XKR9: variants seen among roughly 807,000 people sequenced by gnomAD.
XKR9 encodes XK related 9, also known as XK-related protein 9.
In XKR9, 32 loss-of-function variants were observed where a neutral mutation model predicts 32.0. That is an observed-to-expected ratio of 1.00 (90% confidence interval 0.76 to 1.34). The LOEUF (loss-of-function observed/expected upper bound fraction) is 1.34. Among genes scored for constraint, XKR9 ranks in the 40% most tolerant of loss-of-function variants. XKR9 has a pLI of 0.00. For missense variants in XKR9, 546 were observed against 429.7 expected, an observed-to-expected ratio of 1.27 and a Z score of -2.39; for synonymous variants, 168 against 143.4, an observed-to-expected ratio of 1.17 and a Z score of -1.22.
the XKR9 span, among the ~76,000 whole-genome samples, chr8:70,930,189 G>A: frequency 1.3e-5 from 2 of 152,134 alleles, no homozygotes; most frequent in African/African-American, 4.8e-5. Flanking sequence ...TAGGTGGGGT[G>A]GAGTAGGTGA....
the XKR9 span, among the ~76,000 whole-genome samples, chr8:71,000,939 A>T: frequency 1.3e-5 from 2 of 151,978 alleles, no homozygotes; most frequent in East Asian, 3.9e-4. Flanking sequence ...TTAGCATAGA[A>T]AGAAGGGCAC....
the XKR9 span, among the ~76,000 whole-genome samples, chr8:70,893,708 C>T: frequency 6.6e-6 from 1 of 152,060 alleles, no homozygotes; most frequent in Non-Finnish European, 1.5e-5. Context: ...TCCTTAGTGT[C>T]AAGGTCTTTT....
At chr8:70,692,855 C>T (rs936323807) in intron 3 of XKR9, among the ~76,000 whole-genome samples, 14 of 152,160 alleles carry the variant, frequency 9.2e-5, no homozygotes, top group African/African-American at 3.1e-4. Context: ...GCTCGGATTA[C>T]AAGTGTGAGC....
intron 2 of XKR9, among the ~76,000 whole-genome samples, chr8:70,776,026 A>G (rs554669134): frequency 6.6e-6 from 1 of 152,138 alleles, no homozygotes; most frequent in Non-Finnish European, 1.5e-5. Flanking sequence ...GATTACAGGC[A>G]TAAGCCACTG....
chr8:70,788,418 C>T (rs1022398978), intron 2 of XKR9, among the ~76,000 whole-genome samples: 27 of 152,008 alleles, frequency 1.8e-4, no homozygotes, highest in African/African-American at 6.0e-4. Flanking sequence ...TGGTTGCTAC[C>T]GTTGGGCAGG....
At chr8:70,892,200 C>A in the XKR9 span, among the ~76,000 whole-genome samples, 3 of 151,940 alleles carry the variant, frequency 2.0e-5, no homozygotes, top group Non-Finnish European at 4.4e-5. Context: ...ACTTAAAATC[C>A]ATTTAGCCAG....
At chr8:70,696,045 T>G (rs1805262890) in intron 3 of XKR9, among the ~76,000 whole-genome samples, 10 of 151,656 alleles carry the variant, frequency 6.6e-5, no homozygotes, top group Admixed American at 6.6e-4. Flanking sequence ...TTTTTTCTTG[T>G]AAATTTGTTT....
At chr8:70,910,807 A>C in the XKR9 span, among the ~76,000 whole-genome samples, 1 of 152,222 alleles carries the variant, frequency 6.6e-6, no homozygotes, top group Non-Finnish European at 1.5e-5. Flanking sequence ...ACTGGTCTTC[A>C]GGCTCATCCA....
the XKR9 span, among the ~76,000 whole-genome samples, chr8:70,832,342 G>A: frequency 2.6e-5 from 4 of 152,000 alleles, no homozygotes; most frequent in Non-Finnish European, 5.9e-5. Flanking sequence ...TAGGAGAAAA[G>A]TAAAAGAAAA....
At chr8:71,014,413 G>A in the XKR9 span, among the ~76,000 whole-genome samples, 4 of 152,242 alleles carry the variant, frequency 2.6e-5, no homozygotes, top group African/African-American at 9.6e-5. Flanking sequence ...AGCTCTAGGG[G>A]AGAACTCCTT....
chr8:70,873,869 C>T, the XKR9 span, among the ~76,000 whole-genome samples: 1 of 152,172 alleles, frequency 6.6e-6, no homozygotes, highest in African/African-American at 2.4e-5. Flanking sequence ...AGAAATCTTT[C>T]ATGAAAGGAA....
the XKR9 span, among the ~76,000 whole-genome samples, chr8:70,898,250 G>C: frequency 6.6e-6 from 1 of 152,032 alleles, no homozygotes; most frequent in Non-Finnish European, 1.5e-5. Flanking sequence ...TTTGTTTCTG[G>C]GTTCCCTATT....
chr8:70,692,186 T>C (rs942829307), intron 3 of XKR9, among the ~76,000 whole-genome samples: 1 of 152,166 alleles, frequency 6.6e-6, no homozygotes, highest in Non-Finnish European at 1.5e-5. Context: ...CAACTGTGAA[T>C]GGTATTGCCT....
intron 2 of XKR9, among the ~76,000 whole-genome samples, chr8:70,754,985 A>G (rs1486902422): frequency 2.0e-5 from 3 of 151,868 alleles, no homozygotes; most frequent in African/African-American, 7.2e-5. Flanking sequence ...CAACCTACAA[A>G]ATGGGAGAAA....
downstream of XKR9, among the ~76,000 whole-genome samples, chr8:70,740,343 A>G (rs567708650): frequency 1.3e-5 from 2 of 151,804 alleles, no homozygotes; most frequent in East Asian, 1.9e-4. Flanking sequence ...ACTTCTCTGT[A>G]TTGGTTATTC....
the XKR9 span, among the ~76,000 whole-genome samples, chr8:70,856,902 A>T: frequency 6.6e-6 from 1 of 152,228 alleles, no homozygotes; most frequent in African/African-American, 2.4e-5. Context: ...GAAGGCAGAA[A>T]TAAAGATGTT....
the XKR9 span, among the ~76,000 whole-genome samples, chr8:71,036,105 G>C: frequency 1.3e-5 from 2 of 152,068 alleles, no homozygotes; most frequent in African/African-American, 4.8e-5. Context: ...ATTTCTGAAG[G>C]CTCCTGTGCC....
the XKR9 span, among the ~76,000 whole-genome samples, chr8:70,914,504 C>A: frequency 3.4e-4 from 51 of 152,138 alleles, no homozygotes; most frequent in African/African-American, 1.2e-3. Context: ...GGTTTATTGG[C>A]CATTTGGATA....
chr8:70,976,852 C>CT, the XKR9 span, among the ~76,000 whole-genome samples: 8 of 152,162 alleles, frequency 5.3e-5, no homozygotes, highest in Admixed American at 3.9e-4. Flanking sequence ...TGGTCCTGGA[C>CT]TTTTTTTGGT....
Sources: gnomAD v4.1 joint callset for allele counts (sites outside exome capture counted in the v4.1 genomes callset) on GRCh38, gnomAD v4.1.1 for gene constraint, MANE v1.5 for transcripts, NCBI Gene and HGNC (gene_info 2026-07-23, HGNC 2026-07-21) for gene names.